The following GBE1 variants were observed in gnomAD, a reference collection of about 807,000 sequenced individuals.
GBE1 encodes 1,4-alpha-glucan-branching enzyme.
A neutral mutation model predicts 88.8 loss-of-function variants in GBE1; 70 were observed. The ratio of observed to expected loss-of-function variants is 0.79; its 90% CI spans 0.65 to 0.96. GBE1 has a LOEUF of 0.96. Among genes scored for constraint, GBE1 ranks in the 40% least tolerant of loss-of-function variants. The pLI, the probability that GBE1 is intolerant of heterozygous loss-of-function variation, is 0.00. For synonymous variants in GBE1, 284 were observed against 300.1 expected, an observed-to-expected ratio of 0.95 and a Z score of 0.56; for missense variants, 872 against 871.0, an observed-to-expected ratio of 1.00 and a Z score of -0.01.
intron 12 of GBE1, among the ~76,000 whole-genome samples, chr3:81,547,513 T>G (rs969760557): frequency 6.6e-6 from 1 of 151,216 alleles, no homozygotes; most frequent in Non-Finnish European, 1.5e-5. Context: ...AGCCAGGGCT[T>G]TGGTGCAGCC....
chr3:81,589,781 T>C (rs933182285), intron 9 of GBE1, among the ~76,000 whole-genome samples: 14 of 152,042 alleles, frequency 9.2e-5, no homozygotes, highest in Admixed American at 7.9e-4. Context: ...TTGCCATAAA[T>C]ATCATTGACA....
chr3:81,643,071 T>A, intron 6 of GBE1, 81 bp from the exon 7 acceptor site: 2 of 900,370 alleles, frequency 2.2e-6, no homozygotes, highest in East Asian at 5.3e-5. Context: ...TGTTTCACCA[T>A]CGCAGTACTA....
chr3:81,610,395 T>A (rs1704162638), intron 7 of GBE1, among the ~76,000 whole-genome samples: 1 of 152,230 alleles, frequency 6.6e-6, no homozygotes, highest in African/African-American at 2.4e-5. Context: ...GATAAATATG[T>A]TCTTGTGAAT....
chr3:81,558,557 G>A (rs1397412223), intron 12 of GBE1, among the ~76,000 whole-genome samples: 1 of 151,910 alleles, frequency 6.6e-6, no homozygotes, highest in Non-Finnish European at 1.5e-5. Context: ...AATTATATCA[G>A]CTTCTTACAA....
At chr3:81,583,109 T>C (rs1419946209) in intron 10 of GBE1, among the ~76,000 whole-genome samples, 3 of 152,032 alleles carry the variant, frequency 2.0e-5, no homozygotes, top group African/African-American at 7.2e-5. Context: ...AGGAGGCAAA[T>C]AAGCACATGT....
intron 7 of GBE1, among the ~76,000 whole-genome samples, chr3:81,615,050 T>C (rs1704231117): frequency 6.6e-6 from 1 of 152,176 alleles, no homozygotes; most frequent in Non-Finnish European, 1.5e-5. Context: ...TTGTATTGTT[T>C]TAAAAATAAA....
At chr3:81,744,234 C>T (rs959941597) in intron 1 of GBE1, among the ~76,000 whole-genome samples, 1 of 152,070 alleles carries the variant, frequency 6.6e-6, no homozygotes, top group Non-Finnish European at 1.5e-5. Context: ...GTGTAAAATA[C>T]ACATCAGATT....
chr3:81,568,953 A>G (rs1703534617), intron 12 of GBE1, among the ~76,000 whole-genome samples: 1 of 152,090 alleles, frequency 6.6e-6, no homozygotes, highest in Non-Finnish European at 1.5e-5. Context: ...ACTATTGACT[A>G]TTAAAATGCC....
At chr3:81,550,351 G>T (rs1703256093) in intron 12 of GBE1, among the ~76,000 whole-genome samples, 1 of 151,214 alleles carries the variant, frequency 6.6e-6, no homozygotes, top group African/African-American at 2.4e-5. Flanking sequence ...TACCCTGAAT[G>T]CAAGAGACCT....
intron 1 of GBE1, among the ~76,000 whole-genome samples, chr3:81,712,267 A>G (rs974812783): frequency 6.6e-5 from 10 of 152,234 alleles, no homozygotes; most frequent in Admixed American, 5.9e-4. Context: ...ATCTAGAACT[A>G]GAAATACCAT....
At chr3:81,592,979 C>G (rs575320363) in intron 8 of GBE1, among the ~76,000 whole-genome samples, 3 of 152,188 alleles carry the variant, frequency 2.0e-5, no homozygotes, top group African/African-American at 4.8e-5. Flanking sequence ...CCTTGGCAGT[C>G]ACTTTTCAAG....
chr3:81,630,031 AC>A (rs1189478885), intron 7 of GBE1, among the ~76,000 whole-genome samples: 1 of 151,958 alleles, frequency 6.6e-6, no homozygotes, highest in Admixed American at 6.6e-5. Flanking sequence ...CCATGTCCCT[AC>A]CAAGGACATG....
chr3:81,605,134 T>C (rs185937014), intron 7 of GBE1, among the ~76,000 whole-genome samples: 1 of 152,106 alleles, frequency 6.6e-6, no homozygotes, highest in Non-Finnish European at 1.5e-5. Flanking sequence ...TCTCTGGTGA[T>C]GACAACAAAA....
chr3:81,630,207 C>T (rs889303882), intron 7 of GBE1, among the ~76,000 whole-genome samples: 1 of 151,998 alleles, frequency 6.6e-6, no homozygotes, highest in Non-Finnish European at 1.5e-5. Flanking sequence ...ATCCAACTTA[C>T]AAAAGGATGT....
At chr3:81,533,611 G>C (rs143419322) in intron 14 of GBE1, among the ~76,000 whole-genome samples, 3 of 152,058 alleles carry the variant, frequency 2.0e-5, no homozygotes, top group Admixed American at 6.6e-5. Flanking sequence ...GTAAAATTCT[G>C]TCTGGGTGTC....
chr3:81,565,463 T>A (rs964873808), intron 12 of GBE1, among the ~76,000 whole-genome samples: 1 of 152,192 alleles, frequency 6.6e-6, no homozygotes, highest in Non-Finnish European at 1.5e-5. Flanking sequence ...AGATTTGAAG[T>A]AAGATCACAC....
intron 2 of GBE1, among the ~76,000 whole-genome samples, chr3:81,696,970 C>T (rs1705605007): frequency 6.6e-6 from 1 of 152,026 alleles, no homozygotes; most frequent in South Asian, 2.1e-4. Flanking sequence ...GGGAACTTCT[C>T]CCCACCACCA....
chr3:81,742,995 G>T (rs149165223), intron 1 of GBE1, among the ~76,000 whole-genome samples: 8 of 152,138 alleles, frequency 5.3e-5, no homozygotes, highest in African/African-American at 1.9e-4. Flanking sequence ...AGCTAGACCA[G>T]ACCCCTAGTC....
intron 12 of GBE1, among the ~76,000 whole-genome samples, chr3:81,544,275 C>T (rs150083090): frequency 2.2e-4 from 34 of 152,214 alleles, no homozygotes; most frequent in Admixed American, 9.2e-4. Context: ...CTAACTGTAG[C>T]GCACAGAGGC....
Sources: allele counts gnomAD v4.1 joint callset (sites outside exome capture counted in the v4.1 genomes callset), GRCh38; gene constraint gnomAD v4.1.1; transcripts MANE v1.5; gene names NCBI Gene and HGNC (gene_info 2026-07-23, HGNC 2026-07-21).